LMBRD1: variants seen among roughly 807,000 people sequenced by gnomAD.
The protein encoded by LMBRD1 is lysosomal cobalamin transport escort protein LMBD1.
In LMBRD1, 64 loss-of-function variants were observed where a neutral mutation model predicts 74.8. The observed-to-expected ratio is 0.86, with a 90% confidence interval of 0.70 to 1.05. LMBRD1 has a LOEUF of 1.05. Among genes scored for constraint, LMBRD1 ranks in the 50% least tolerant of loss-of-function variants. LMBRD1 has a pLI of 0.00. For missense variants in LMBRD1, 652 were observed against 645.9 expected (o/e 1.01, Z -0.10); for synonymous variants, 204 against 216.3 (o/e 0.94, Z 0.50).
intron 9 of LMBRD1, chr6:69,706,218 C>G (rs1276388662): frequency 2.5e-6 from 1 of 405,168 alleles, no homozygotes; most frequent in African/African-American, 2.0e-5. Flanking sequence ...ACAACCACAG[C>G]TCAAGAGAAC....
chr6:69,722,525 A>C (rs189733993), intron 7 of LMBRD1, among the ~76,000 whole-genome samples: 98 of 152,302 alleles, frequency 6.4e-4, no homozygotes, highest in Non-Finnish European at 1.1e-3. Flanking sequence ...AAACAACAAA[A>C]AGTTTAAAAG....
At chr6:69,770,690 G>A (rs77922290) in intron 3 of LMBRD1, among the ~76,000 whole-genome samples, 7,896 of 152,218 alleles carry the variant, frequency 0.052, 288 homozygotes, top group East Asian at 0.17. Flanking sequence ...TCTGTTCTTT[G>A]TGCTTAAAAC....
chr6:69,721,832 C>T (rs527988618), intron 7 of LMBRD1, among the ~76,000 whole-genome samples: 1 of 152,282 alleles, frequency 6.6e-6, no homozygotes, highest in Non-Finnish European at 1.5e-5. Flanking sequence ...GAGCCCATTG[C>T]CCTGCAGGCT....
At position 69,789,253 on chromosome 6, in the gene LMBRD1, G is replaced by A. The variant is rs543938004; in HGVS notation, c.246+1043C>T. On this transcript the variant is annotated intron_variant, in intron 2 of 15. Coordinates refer to ENST00000649934, the MANE Select transcript of LMBRD1 (RefSeq NM_018368.4). ...ATTTACCCCATTTGGACCAGGGATC[G>A]TGGCTCATGCCTGCAATCCCAGCAC... 9.2e-5 allele frequency among the ~76,000 whole-genome samples: 14 copies of A among 152,266 alleles called. No individual in the cohort carries two copies. The South Asian group carries it at 2.7e-3, about 29-fold the overall frequency.
intron 3 of LMBRD1, among the ~76,000 whole-genome samples, chr6:69,759,003 G>T (rs1765321510): frequency 1.3e-5 from 2 of 152,054 alleles, no homozygotes; most frequent in African/African-American, 4.8e-5. Context: ...GATCAAAGTG[G>T]CCTGGTAGAA....
intron 6 of LMBRD1, 102 bp downstream of exon 6, chr6:69,741,687 C>A: frequency 1.4e-6 from 1 of 736,874 alleles, no homozygotes; most frequent in Non-Finnish European, 2.3e-6. Flanking sequence ...CCACGCCCAG[C>A]TGGGGTTAAA....
intron 5 of LMBRD1, among the ~76,000 whole-genome samples, chr6:69,747,794 T>C (rs554465253): frequency 4.4e-4 from 67 of 152,350 alleles, no homozygotes; most frequent in African/African-American, 1.6e-3. Flanking sequence ...ATGAATTAGT[T>C]AAATCTAGAT....
intron 9 of LMBRD1, 73 bp from the exon 10 acceptor site, chr6:69,702,026 A>C (rs988796504): frequency 2.3e-6 from 2 of 853,798 alleles, no homozygotes; most frequent in African/African-American, 1.7e-5. Context: ...CATTATATTC[A>C]ATATGAGTTG....
At chr6:69,777,000 T>C (rs562430404) in intron 3 of LMBRD1, among the ~76,000 whole-genome samples, 1 of 151,706 alleles carries the variant, frequency 6.6e-6, no homozygotes, top group East Asian at 1.9e-4. Context: ...ATACAAAAAT[T>C]AACTGAGCAT....
At chr6:69,748,622 A>G (rs1391361299) in intron 5 of LMBRD1, among the ~76,000 whole-genome samples, 2 of 152,084 alleles carry the variant, frequency 1.3e-5, no homozygotes, top group Non-Finnish European at 2.9e-5. Flanking sequence ...AAATTGTGAG[A>G]CTAAATTATA....
chr6:69,777,313 C>A (rs1024342790), intron 3 of LMBRD1, among the ~76,000 whole-genome samples: 4 of 151,628 alleles, frequency 2.6e-5, no homozygotes, highest in Admixed American at 6.6e-5. Flanking sequence ...ATTATCCGGG[C>A]GTGATGACAT....
chr6:69,696,526 T>A (rs1389339974), intron 14 of LMBRD1, among the ~76,000 whole-genome samples: 1 of 152,264 alleles, frequency 6.6e-6, no homozygotes. Flanking sequence ...ACAAAACCAA[T>A]GTTTCAAACT....
rs563072144 is a variant in LMBRD1, at chr6:69,772,138, T to C, written c.307+8356A>G. 5.3e-5 allele frequency among the ~76,000 whole-genome samples: 8 copies of C among 152,192 alleles called. No homozygotes were observed. In the South Asian group the frequency reaches 1.0e-3, roughly 20 times the overall value. On this transcript the variant is annotated intron_variant, in intron 3 of 15. Transcript: ENST00000649934. ...ATTTTTTGGTAGAGTTCTGTAACGG[T>C]TGGACATAGGATTGTGAAGTTCCAG...
chr6:69,796,790 A>G (rs780115450), intron 1 of LMBRD1, 23 bp downstream of exon 1: 2 of 1,611,352 alleles, frequency 1.2e-6, no homozygotes, highest in East Asian at 4.5e-5. Flanking sequence ...AAACATGGGG[A>G]AAACTCCAAG....
intron 11 of LMBRD1, 107 bp downstream of exon 11, chr6:69,701,335 GT>G: frequency 7.0e-6 from 5 of 711,002 alleles, no homozygotes; most frequent in South Asian, 3.3e-5. Context: ...CTATTCATAG[GT>G]TTTTAGCATA....
rs1766117955 is a variant in LMBRD1, at chr6:69,701,021, T to A, written c.1084-152A>T. 7.3e-6 allele frequency: 4 copies of A among 547,470 alleles called. No homozygotes were observed. The South Asian group carries it at 2.1e-4, about 29-fold the overall frequency. 33.9% of individuals were successfully genotyped at this position (547,470 alleles called of 1,614,324 possible). A position where few individuals can be genotyped will look rare whatever the true frequency, so the allele number is the denominator to read the frequency against. Reference sequence around the variant, plus strand: ...TTAGGCTACTGTGCTTAAAAAAAAATCCTCAAAAAACTAACAAGTACCAAA... The same window carrying A: ...TTAGGCTACTGTGCTTAAAAAAAAAACCTCAAAAAACTAACAAGTACCAAA... On this transcript the variant is annotated intron_variant, in intron 11 of 15. Coordinates refer to ENST00000649934, the MANE Select transcript of LMBRD1 (RefSeq NM_018368.4).
intron 14 of LMBRD1, among the ~76,000 whole-genome samples, chr6:69,678,937 A>C (rs949366506): frequency 1.3e-5 from 2 of 152,056 alleles, no homozygotes; most frequent in African/African-American, 4.8e-5. Context: ...GTAAAGATTT[A>C]GATAATCTAA....
At chr6:69,718,367 T>A (rs1249839978) in intron 8 of LMBRD1, among the ~76,000 whole-genome samples, 1 of 152,184 alleles carries the variant, frequency 6.6e-6, no homozygotes, top group Non-Finnish European at 1.5e-5. Flanking sequence ...GTTTTTTAAG[T>A]GTTAGAACAA....
intron 3 of LMBRD1, among the ~76,000 whole-genome samples, chr6:69,773,977 A>G (rs1765631098): frequency 6.6e-6 from 1 of 152,246 alleles, no homozygotes; most frequent in Non-Finnish European, 1.5e-5. Context: ...ATTTACATCT[A>G]CACACAAGAT....
Sources: allele counts gnomAD v4.1 joint callset (sites outside exome capture counted in the v4.1 genomes callset), GRCh38; gene constraint gnomAD v4.1.1; transcripts MANE v1.5; gene names NCBI Gene and HGNC (gene_info 2026-07-23, HGNC 2026-07-21).